DNAH2: variants seen among roughly 807,000 people sequenced by gnomAD.
DNAH2 encodes the protein axonemal beta dynein heavy chain 2.
Under a neutral mutation model 523.5 loss-of-function variants are expected in DNAH2, and 323 were observed. The ratio of observed to expected loss-of-function variants is 0.62; its 90% CI spans 0.56 to 0.68. DNAH2 has a LOEUF of 0.68. Ranked by LOEUF, DNAH2 falls within the 30% of genes least tolerant of loss-of-function variation. The pLI is 0.00. For synonymous variants in DNAH2, 2,093 were observed against 2,177.4 expected, an observed-to-expected ratio of 0.96 and a Z score of 1.08; for missense variants, 4,907 against 5,701.5, an observed-to-expected ratio of 0.86 and a Z score of 4.49.
At chr17:7,811,799 G>A (rs2077525403) in intron 63 of DNAH2, among the ~76,000 whole-genome samples, 1 of 152,148 alleles carries the variant, frequency 6.6e-6, no homozygotes. Flanking sequence ...GAATTTGAGT[G>A]AGACATGACA....
intron 28 of DNAH2, among the ~76,000 whole-genome samples, chr17:7,773,474 C>A (rs1273914467): frequency 6.6e-6 from 1 of 152,100 alleles, no homozygotes; most frequent in South Asian, 2.1e-4. Context: ...GTGTCCCCCC[C>A]ACCCACTGGG....
intron 4 of DNAH2, among the ~76,000 whole-genome samples, chr17:7,731,452 C>T (rs966993902): frequency 1.3e-5 from 2 of 151,896 alleles, no homozygotes; most frequent in Non-Finnish European, 2.9e-5. Flanking sequence ...ACTTCTATTT[C>T]TTTTTATTTG....
At chr17:7,768,362 G>A in intron 24 of DNAH2, 95 bp downstream of exon 24, 1 of 1,218,404 alleles carries the variant, frequency 8.2e-7, no homozygotes. Context: ...AGTGTTCACA[G>A]CCCTCTCTTC....
Position 7,792,927 on chromosome 17 carries a change from AAGCCCGTATTTCTCTC to A in DNAH2, c.7345-51_7345-36del. On this transcript the variant is annotated intron_variant, in intron 47 of 85. Coordinates refer to ENST00000572933, the MANE Select transcript of DNAH2 (RefSeq NM_020877.5). Reference sequence around the variant, plus strand: ...AAGTGCCTGCCTGACCCTCCTCTCTAAGCCCGTATTTCTCTCAGGGGACCCACACATTCATTCGGTA... The same window carrying A: ...AAGTGCCTGCCTGACCCTCCTCTCTAAGGGGACCCACACATTCATTCGGTA... 6 of 1,602,892 alleles carry A rather than the reference AAGCCCGTATTTCTCTC, an allele frequency of 3.7e-6. No homozygotes were observed. In the South Asian group the frequency reaches 6.6e-5, roughly 18 times the overall value.
chr17:7,743,322 CCTG>C (rs2075412850), intron 12 of DNAH2, 180 bp downstream of exon 12: 1 of 732,268 alleles, frequency 1.4e-6, no homozygotes. Flanking sequence ...CACCTCCCAC[CCTG>C]CTATCAACAT....
At position 7,760,705 on chromosome 17, in the gene DNAH2, AG is replaced by A. The variant is rs1247553738; in HGVS notation, c.2786-34del. On this transcript the variant is annotated intron_variant, in intron 17 of 85. Coordinates refer to ENST00000572933, the MANE Select transcript of DNAH2 (RefSeq NM_020877.5). This position sits in a 1 kb window ranked among gnomAD's most constrained non-coding sequence, Gnocchi z 4.0. The stretch of plus-strand genomic sequence containing the variant: ...CAGGCAGAAGTTGGGTTGGGGTGGA[AG>A]TCAGTGAGAAGCATCTTTCTTGGTC... The A allele has an allele frequency of 1.3e-6, 2 of 1,590,526 alleles. No homozygotes were observed. The highest frequency in any genetic ancestry group is 1.7e-6 in the Non-Finnish European group (2 of 1,166,320).
intron 12 of DNAH2, among the ~76,000 whole-genome samples, chr17:7,753,971 T>G (rs887835544): frequency 1.3e-5 from 2 of 151,712 alleles, no homozygotes; most frequent in Non-Finnish European, 2.9e-5. Context: ...CAGAAAAACC[T>G]ACCGGCAGAT....
chr17:7,779,077 GTT>G (rs2076535680), intron 35 of DNAH2, among the ~76,000 whole-genome samples, 164 bp from the exon 36 acceptor site: 2 of 152,196 alleles, frequency 1.3e-5, no homozygotes, highest in African/African-American at 4.8e-5. Flanking sequence ...CTGATGGAAA[GTT>G]CTGGCCAGAA....
At chr17:7,801,844 C>A in intron 57 of DNAH2, 34 bp from the exon 58 acceptor site, 1 of 1,613,862 alleles carries the variant, frequency 6.2e-7, no homozygotes, top group Non-Finnish European at 8.5e-7. Context: ...CTTCCGTTTC[C>A]ATCTGCCTTT....
chr17:7,795,650 AAT>A (rs1246942689), intron 49 of DNAH2, among the ~76,000 whole-genome samples: 1 of 97,668 alleles, frequency 1.0e-5, no homozygotes. Context: ...CACCAGCTTG[AAT>A]ATATATATAT....
chr17:7,738,917 C>T, intron 8 of DNAH2: 1 of 701,482 alleles, frequency 1.4e-6, no homozygotes, highest in Non-Finnish European at 2.6e-6. Flanking sequence ...CGGCCTTTCT[C>T]CTGACACAGG....
chr17:7,741,160 G>C (rs2151154043), intron 11 of DNAH2, among the ~76,000 whole-genome samples, 168 bp downstream of exon 11: 1 of 152,172 alleles, frequency 6.6e-6, no homozygotes, highest in South Asian at 2.1e-4. Context: ...GATCTGCAGA[G>C]GTGGTGTGTG....
Position 7,792,787 on chromosome 17 carries a change from G to A in DNAH2, c.7276G>A (p.Ala2426Thr), listed in dbSNP as rs375485186. 1.7e-5 allele frequency: 27 copies of A among 1,614,146 alleles called. No homozygotes were observed. In the African/African-American group the frequency reaches 1.7e-4, roughly 10 times the overall value. ...GPVGTGKTSI[A>T]QSVLQSLPSS... is the part of the protein sequence containing the mutation. ...CGTGGGGACTGGGAAGACCTCCATC[G>A]CCCAGAGCGTTCTGCAGTCCCTGCC... is the stretch of plus-strand genomic sequence containing the variant. Residue 2426 changes from alanine (A) to threonine (T), a missense_variant, in exon 47 of 86, where the codon GCC becomes ACC. Physicochemically the swap from Ala to Thr is moderately conservative, Grantham distance 58. Around this residue, in one of 3 missense-constraint regions of DNAH2, gnomAD observed 2,806 missense variants for 3,190.8 expected, o/e 0.88. Transcript: ENST00000572933.
At chr17:7,816,803 T>C in intron 64 of DNAH2, 68 bp downstream of exon 64, 1 of 1,570,022 alleles carries the variant, frequency 6.4e-7, no homozygotes, top group South Asian at 1.2e-5. Flanking sequence ...CCATCCCTTT[T>C]AGCTTGAGGA....
At chr17:7,810,239 A>AT (rs1224890161) in intron 63 of DNAH2, among the ~76,000 whole-genome samples, 2 of 148,252 alleles carry the variant, frequency 1.3e-5, no homozygotes, top group African/African-American at 5.0e-5. Context: ...AATTTTTTAT[A>AT]TTTTTTGTAG....
intron 12 of DNAH2, among the ~76,000 whole-genome samples, chr17:7,750,315 C>G (rs1053495133): frequency 6.6e-6 from 1 of 152,176 alleles, no homozygotes. Context: ...TTTCTTAGAT[C>G]TGTTTTTTTC....
At chr17:7,767,328 CCATTCACCAGTT>C (rs1362708632) in intron 22 of DNAH2, among the ~76,000 whole-genome samples, 2 of 152,130 alleles carry the variant, frequency 1.3e-5, no homozygotes, top group African/African-American at 4.8e-5. Context: ...ATTTTGTTTA[CCATTCACCAGTT>C]GATGGACATT....
intron 7 of DNAH2, among the ~76,000 whole-genome samples, chr17:7,735,009 A>C (rs2075100758): frequency 6.6e-6 from 1 of 152,192 alleles, no homozygotes; most frequent in African/African-American, 2.4e-5. Context: ...GTGGGAGCCA[A>C]AGATGAGCTC....
At chr17:7,725,594 G>A (rs1382222817) in intron 3 of DNAH2, among the ~76,000 whole-genome samples, 5 of 150,426 alleles carry the variant, frequency 3.3e-5, no homozygotes, top group Admixed American at 6.6e-5. Flanking sequence ...CACCATGCCC[G>A]GCTGATTTTT....
Sources: allele counts gnomAD v4.1 joint callset (sites outside exome capture counted in the v4.1 genomes callset), GRCh38; gene constraint gnomAD v4.1.1; regional missense constraint gnomAD v4.1.1; non-coding constraint Gnocchi (gnomAD v3.1); transcripts MANE v1.5; gene names NCBI Gene and HGNC (gene_info 2026-07-23, HGNC 2026-07-21).